The following ATG12 variants were observed in gnomAD, a reference collection of about 807,000 sequenced individuals.
ATG12 encodes the protein ubiquitin-like protein ATG12.
ATG12 carries 19 observed loss-of-function variants against 17.6 expected under a neutral mutation model. The observed-to-expected ratio is 1.08, with a 90% CI of 0.75 to 1.58. ATG12 has a LOEUF of 1.58. Among genes scored for constraint, ATG12 ranks in the 40% most tolerant of loss-of-function variants. The pLI is 0.00. For synonymous variants in ATG12, 75 were observed against 62.4 expected (o/e 1.20, Z -0.95); for missense variants, 214 against 162.0 (o/e 1.32, Z -1.74).
intron 1 of ATG12, among the ~76,000 whole-genome samples, chr5:115,839,702 G>GT (rs1309066690): frequency 6.6e-6 from 1 of 152,202 alleles, no homozygotes; most frequent in African/African-American, 2.4e-5. Context: ...CATACCTCCA[G>GT]TGCCAAAACC....
chr5:115,835,151 T>C (rs1480380308), intron 2 of ATG12: 9 of 152,198 alleles, frequency 5.9e-5, no homozygotes, highest in Admixed American at 5.9e-4. Context: ...TGATCGTTTT[T>C]CTTTCATGTC....
At chr5:115,835,386 G>C (rs1339654455) in intron 2 of ATG12, among the ~76,000 whole-genome samples, 2 of 152,072 alleles carry the variant, frequency 1.3e-5, no homozygotes, top group African/African-American at 4.8e-5. Flanking sequence ...GGTGAATTAG[G>C]GTAGTTTTTC....
At chr5:115,840,833 T>C (rs1409553933) in intron 1 of ATG12, 1 of 1,246,268 alleles carries the variant, frequency 8.0e-7, no homozygotes, top group Non-Finnish European at 1.0e-6. Flanking sequence ...TTCCAAAATG[T>C]GTTTCTTAAA....
chr5:115,829,384 AACTT>A lies in ATG12; in HGVS notation c.*2416_*2419del, dbSNP rs906619956. 1 of 152,216 alleles carries A rather than the reference AACTT, an allele frequency of 6.6e-6. No homozygotes were observed. The highest frequency in any genetic ancestry group is 1.5e-5 in the Non-Finnish European group (1 of 68,028). The allele number at this position is 152,216 out of a possible 1,614,324, so 9.4% of individuals were successfully genotyped here. A position where few individuals can be genotyped will look rare whatever the true frequency, so the allele number is the denominator to read the frequency against. On this transcript the variant is annotated 3_prime_UTR_variant, in exon 4 of 4. Transcript: ENST00000509910. ...ATATTTAAGGTCCCTTTAGGACTGA[AACTT>A]ACAGAAATCAGATTCCAGGAATTAT...
rs898450246 is a variant in ATG12, at chr5:115,830,321, A to G, written c.*1483T>C. On this transcript the variant is annotated 3_prime_UTR_variant, in exon 4 of 4. Coordinates refer to ENST00000509910, the MANE Select transcript of ATG12 (RefSeq NM_004707.4). ...CGATTTTTTGAGGTCTATCATCTGA[A>G]CCCTCAGTGGCAAACAATACGAAAA... 2.0e-5 allele frequency: 3 copies of G among 151,994 alleles called. No homozygotes were observed. Among genetic ancestry groups the G allele is most frequent in the Non-Finnish European group, 2.9e-5 (2 of 67,996 alleles). 9.4% of individuals were successfully genotyped at this position (151,994 alleles called of 1,614,324 possible).
chr5:115,836,662 C>G (rs184732500), intron 2 of ATG12, among the ~76,000 whole-genome samples: 16 of 152,278 alleles, frequency 1.1e-4, no homozygotes, highest in Non-Finnish European at 2.4e-4. Flanking sequence ...CCAAAAATTC[C>G]TGATTTTATT....
chr5:115,835,625 A>G (rs1761063220), intron 2 of ATG12, among the ~76,000 whole-genome samples: 1 of 152,136 alleles, frequency 6.6e-6, no homozygotes, highest in South Asian at 2.1e-4. Context: ...GAGCCCTTCA[A>G]GTCCTTAGTG....
rs560572441 is a variant in ATG12 at position 115,841,358 on chromosome 5, C to T, written c.163+32G>A. On this transcript the variant is annotated intron_variant, in intron 1 of 3. Transcript: ENST00000509910. Reference sequence around the variant, plus strand: ...CCTACTCGGATGCAATCTGAACCTCCCGCCTCTCTGCCCGGAAATAAATTC... The same window carrying T: ...CCTACTCGGATGCAATCTGAACCTCTCGCCTCTCTGCCCGGAAATAAATTC... The T allele has an allele frequency of 3.7e-4, 602 of 1,609,602 alleles. 8 individuals are homozygous for T. In the South Asian group the frequency reaches 6.1e-3, roughly 16 times the overall value.
intron 2 of ATG12, 92 bp from the exon 3 acceptor site, chr5:115,832,756 GT>G: frequency 8.1e-7 from 1 of 1,232,912 alleles, no homozygotes; most frequent in Non-Finnish European, 1.1e-6. Flanking sequence ...ATTTTGTATT[GT>G]TTTCACAATT....
intron 2 of ATG12, among the ~76,000 whole-genome samples, chr5:115,835,766 G>A (rs1260118294): frequency 6.6e-6 from 1 of 152,116 alleles, no homozygotes; most frequent in Non-Finnish European, 1.5e-5. Flanking sequence ...TCTCAGTGCC[G>A]TCAGATGCCA....
intron 1 of ATG12, among the ~76,000 whole-genome samples, chr5:115,840,239 G>A (rs1386799134): frequency 6.6e-6 from 1 of 152,082 alleles, no homozygotes; most frequent in African/African-American, 2.4e-5. Flanking sequence ...GGCAGTCTTG[G>A]GAGAGAATTA....
chr5:115,838,649 T>G (rs914737110), intron 1 of ATG12: 3 of 152,124 alleles, frequency 2.0e-5, no homozygotes, highest in African/African-American at 7.2e-5. Context: ...AGGAAAGCAA[T>G]AAGTTATTAA....
At chr5:115,835,628 C>A (rs541466505) in intron 2 of ATG12, among the ~76,000 whole-genome samples, 7 of 152,160 alleles carry the variant, frequency 4.6e-5, no homozygotes, top group Non-Finnish European at 8.8e-5. Flanking sequence ...CCCTTCAAGT[C>A]CTTAGTGCAA....
At chr5:115,838,082 C>T in intron 1 of ATG12, 2 of 212,264 alleles carry the variant, frequency 9.4e-6, no homozygotes, top group South Asian at 1.8e-4. Flanking sequence ...TGTCATGTCC[C>T]TTTTCACCCA....
At chr5:115,839,056 G>A (rs1012534373) in intron 1 of ATG12, 1 of 150,382 alleles carries the variant, frequency 6.6e-6, no homozygotes, top group African/African-American at 2.5e-5. Context: ...CCGGGACGCG[G>A]AGGTTGCAGT....
rs186889902 is a variant in ATG12 at position 115,831,806 on chromosome 5, A to T, written c.421T>A (p.Ter141ArgextTer24). 57 of 1,612,246 alleles carry T rather than the reference A, an allele frequency of 3.5e-5. No homozygotes were observed. Among genetic ancestry groups the T allele is most frequent in the Non-Finnish European group, 4.5e-5 (53 of 1,179,428 alleles). ...LHYCKSQAWG* is the reference protein window; with the variant it reads ...LHYCKSQAWGR The stretch of plus-strand genomic sequence containing the variant: ...AGCAAGTTGATTTTCTTTGTGGTTC[A>T]TCCCCACGCCTGAGACTTGCAGTAA... The change falls in exon 4 of 4, where the codon TGA (stop) becomes AGA (arginine). Residue 141 changes from the stop codon to arginine, a stop_lost. Coordinates refer to ENST00000509910, the MANE Select transcript of ATG12 (RefSeq NM_004707.4).
intron 2 of ATG12, chr5:115,833,536 A>T (rs1760972369): frequency 6.6e-6 from 1 of 152,156 alleles, no homozygotes; most frequent in Non-Finnish European, 1.5e-5. Flanking sequence ...TGGCTTTACA[A>T]ATAATCTCTC....
In ATG12 at chr5:115,832,672, A is replaced by G. The variant is rs368368894; in HGVS notation, c.301-8T>C. On this transcript the variant is annotated splice_region_variant and splice_polypyrimidine_tract_variant and intron_variant, in intron 2 of 3. Transcript: ENST00000509910. ...CTGATTCACATAAATAAACTACAAG[A>G]AAGGAAGGAAAAACAGAGATGTTTA... 7.4e-5 allele frequency: 113 copies of G among 1,527,658 alleles called. 2 individuals are homozygous for G. In the Middle Eastern group the frequency reaches 4.9e-3, roughly 66 times the overall value. 94.6% of individuals were successfully genotyped at this position (1,527,658 alleles called of 1,614,324 possible).
At chr5:115,841,243 A>C in intron 1 of ATG12, 147 bp downstream of exon 1, 1 of 1,111,990 alleles carries the variant, frequency 9.0e-7, no homozygotes. Flanking sequence ...TAAAAATCAA[A>C]AAGTACACTT....
Sources: gnomAD v4.1 joint callset for allele counts (sites outside exome capture counted in the v4.1 genomes callset) on GRCh38, gnomAD v4.1.1 for gene constraint, MANE v1.5 for transcripts, NCBI Gene and HGNC (gene_info 2026-07-23, HGNC 2026-07-21) for gene names.